The following C5 variants were observed in gnomAD, a reference collection of about 807,000 sequenced individuals.
C5 encodes complement C5.
A neutral mutation model predicts 218.8 loss-of-function variants in C5; 140 were observed. The observed-to-expected ratio is 0.64, with a 90% CI of 0.56 to 0.74. The LOEUF (loss-of-function observed/expected upper bound fraction) is 0.74, where lower values mean the gene tolerates loss of function less well. Ranked by LOEUF, C5 falls within the 30% of genes least tolerant of loss-of-function variation. C5 has a pLI of 0.00. For missense variants in C5, 1,700 were observed against 1,969.6 expected (o/e 0.86, Z 2.59); for synonymous variants, 614 against 682.3 (o/e 0.90, Z 1.56).
intron 7 of C5, 51 bp downstream of exon 7, chr9:121,030,346 A>G: frequency 1.0e-6 from 1 of 957,334 alleles, no homozygotes; most frequent in East Asian, 2.6e-5. Context: ...ACCAGAGTTG[A>G]GTTAATTTGA....
At position 121,041,297 on chromosome 9, in the gene C5, C is replaced by CTTT. The variant is rs386416117; in HGVS notation, c.421+1704_421+1706dup. Among the ~76,000 whole-genome samples, 64 of 72,670 alleles carry CTTT rather than the reference C, an allele frequency of 8.8e-4. 8 individuals are homozygous for CTTT. The highest frequency in any genetic ancestry group is 0.018 in the Middle Eastern group (1 of 56). The allele number at this position is 72,670 out of a possible 152,430, so 47.7% of individuals were successfully genotyped here. On this transcript the variant is annotated intron_variant, in intron 3 of 40. Transcript: ENST00000223642. ...CTGATAGAGAAATAATACATGAAGC[C>CTTT]TTTTTTTTTTTTTTTTTTTTTTGCT...
chr9:121,034,739 C>A, intron 5 of C5, 64 bp downstream of exon 5: 2 of 866,828 alleles, frequency 2.3e-6, no homozygotes, highest in Non-Finnish European at 3.9e-6. Flanking sequence ...CCCCCTTTAA[C>A]TGGTTACCTG....
intron 20 of C5, among the ~76,000 whole-genome samples, chr9:121,004,743 A>C (rs2047202187): frequency 6.6e-6 from 1 of 152,150 alleles, no homozygotes; most frequent in Admixed American, 6.5e-5. Context: ...ACTGCACTCC[A>C]GCCTGGGCAA....
At position 120,975,040 on chromosome 9, in the gene C5, C is replaced by T. The variant is rs548186465; in HGVS notation, c.3865-109G>A. 3.3e-6 allele frequency: 4 copies of T among 1,224,348 alleles called. No individual in the cohort carries two copies. In the African/African-American group the frequency reaches 5.9e-5, roughly 18 times the overall value. The allele number at this position is 1,224,348 out of a possible 1,614,324, so 75.8% of individuals were successfully genotyped here. ...AGGGCAGCATTGTCTGGAGATGAAA[C>T]TCCAGCTGACTCAGTAAGACTGGTT... is the stretch of plus-strand genomic sequence containing the variant. On this transcript the variant is annotated intron_variant, in intron 29 of 40. Coordinates refer to ENST00000223642, the MANE Select transcript of C5 (RefSeq NM_001735.3).
upstream of C5, among the ~76,000 whole-genome samples, chr9:121,053,538 G>A (rs554604462): frequency 1.3e-5 from 2 of 152,134 alleles, no homozygotes; most frequent in South Asian, 2.1e-4. Flanking sequence ...AACTATCCAC[G>A]CAAGACAGCA....
At chr9:120,997,339 T>A (rs1038232967) in intron 21 of C5, among the ~76,000 whole-genome samples, 6 of 152,148 alleles carry the variant, frequency 3.9e-5, no homozygotes, top group African/African-American at 9.7e-5. Context: ...ACGAAACAAA[T>A]ATTGTTTTAT....
rs1186482171 is a variant in C5, at chr9:120,981,841, T to C, written c.3486+3A>G. ...GTGTGAGAGAAAGAAAACTCTTACT[T>C]ACCACCAGGGGGCATATATCGAAAG... On this transcript the variant is annotated splice_donor_region_variant and intron_variant, in intron 27 of 40. Coordinates refer to ENST00000223642, the MANE Select transcript of C5 (RefSeq NM_001735.3). 2.5e-6 allele frequency: 4 copies of C among 1,602,348 alleles called. No individual in the cohort carries two copies. Among genetic ancestry groups the C allele is most frequent in the Non-Finnish European group, 2.6e-6 (3 of 1,169,332 alleles).
intron 8 of C5, among the ~76,000 whole-genome samples, chr9:121,026,914 G>C (rs927947391): frequency 7.9e-5 from 12 of 152,156 alleles, no homozygotes; most frequent in Non-Finnish European, 2.9e-5. Flanking sequence ...ACTTTGGTCA[G>C]TTAGAGAAAT....
At chr9:121,017,248 T>G in intron 14 of C5, 114 bp downstream of exon 14, 1 of 1,209,632 alleles carries the variant, frequency 8.3e-7, no homozygotes, top group East Asian at 2.4e-5. Flanking sequence ...TAAAAATGAG[T>G]ATGTTGAGTA....
intron 4 of C5, among the ~76,000 whole-genome samples, chr9:121,036,995 C>T (rs1241993969): frequency 6.6e-6 from 1 of 151,874 alleles, no homozygotes; most frequent in African/African-American, 2.4e-5. Flanking sequence ...TTTATTTCCT[C>T]ACAAAAGTGT....
In C5 at chr9:120,968,017, C is replaced by T. The variant is rs970341703; in HGVS notation, c.4220+1044G>A. Among the ~76,000 whole-genome samples the T allele has an allele frequency of 4.6e-5, 7 of 152,064 alleles. No individual in the cohort carries two copies. The East Asian group carries it at 5.8e-4, about 13-fold the overall frequency. ...GGATTACAGTATGAGCCACTGTACC[C>T]GGCAAAAAACCTACACTTTCATAAA... On this transcript the variant is annotated intron_variant, in intron 33 of 40. Coordinates refer to ENST00000223642, the MANE Select transcript of C5 (RefSeq NM_001735.3).
intron 33 of C5, among the ~76,000 whole-genome samples, chr9:120,968,734 A>G (rs2046887449): frequency 6.6e-6 from 1 of 152,180 alleles, no homozygotes; most frequent in African/African-American, 2.4e-5. Flanking sequence ...TTTCTAAGTA[A>G]GAGAGTAGGG....
chr9:121,055,308 AT>A, the C5 span, among the ~76,000 whole-genome samples: 1 of 151,812 alleles, frequency 6.6e-6, no homozygotes. Context: ...TATTTCACAG[AT>A]TTTTTTTCCT....
chr9:120,979,996 G>T, intron 28 of C5, 87 bp downstream of exon 28: 1 of 1,174,162 alleles, frequency 8.5e-7, no homozygotes, highest in Non-Finnish European at 1.3e-6. Flanking sequence ...TCTTACTCAA[G>T]TTCACATGTC....
At chr9:121,025,426 A>ACACACACT (rs2047412049) in intron 9 of C5, 28 bp downstream of exon 9, 1 of 1,585,828 alleles carries the variant, frequency 6.3e-7, no homozygotes, top group South Asian at 1.1e-5. Context: ...GTATACACAC[A>ACACACACT]CACACACACA....
chr9:120,991,382 G>C (rs1259772631), intron 22 of C5, 102 bp from the exon 23 acceptor site: 4 of 745,730 alleles, frequency 5.4e-6, no homozygotes, highest in Non-Finnish European at 4.7e-6. Context: ...CAAAATAAAA[G>C]ACTTATAATT....
chr9:120,991,167 T>C, intron 23 of C5, 24 bp downstream of exon 23: 2 of 1,335,214 alleles, frequency 1.5e-6, no homozygotes, highest in Non-Finnish European at 2.2e-6. Flanking sequence ...AAATGAGAAA[T>C]AAAAATGGCA....
chr9:121,039,879 C>T (rs1207111113), intron 3 of C5, among the ~76,000 whole-genome samples: 7 of 152,008 alleles, frequency 4.6e-5, no homozygotes, highest in East Asian at 1.9e-4. Flanking sequence ...CCTTGTGATC[C>T]GCCTGCCTCG....
chr9:121,058,436 G>GTA, the C5 span, among the ~76,000 whole-genome samples: 4 of 151,996 alleles, frequency 2.6e-5, no homozygotes, highest in African/African-American at 9.7e-5. Context: ...GTATATATAT[G>GTA]TATATATAAA....
Sources: gnomAD v4.1 joint callset for allele counts (sites outside exome capture counted in the v4.1 genomes callset) on GRCh38, gnomAD v4.1.1 for gene constraint, MANE v1.5 for transcripts, NCBI Gene and HGNC (gene_info 2026-07-23, HGNC 2026-07-21) for gene names.